The following CYP19A1 variants were observed in gnomAD, a reference collection of about 807,000 sequenced individuals.
The protein encoded by CYP19A1 is cytochrome P450 family 19 subfamily A member 1, also known as aromatase.
A neutral mutation model predicts 44.4 loss-of-function variants in CYP19A1; 32 were observed. The ratio of observed to expected loss-of-function variants is 0.72; its 90% CI spans 0.54 to 0.97. The LOEUF is 0.97. CYP19A1 is among the 50% of genes least tolerant of loss of function. The pLI is 0.00. For synonymous variants in CYP19A1, 212 were observed against 215.6 expected (o/e 0.98, Z 0.14); for missense variants, 598 against 637.8 (o/e 0.94, Z 0.67).
intron 1 of CYP19A1, among the ~76,000 whole-genome samples, chr15:51,282,503 C>T (rs1277886328): frequency 6.6e-6 from 1 of 152,234 alleles, no homozygotes; most frequent in Non-Finnish European, 1.5e-5. Context: ...CACATTCTCA[C>T]CACCTGTTTC....
At chr15:51,320,604 G>A (rs1265611427) in intron 1 of CYP19A1, among the ~76,000 whole-genome samples, 1 of 152,262 alleles carries the variant, frequency 6.6e-6, no homozygotes, top group East Asian at 1.9e-4. Flanking sequence ...CTCAATCTGG[G>A]AAGACACCAA....
intron 1 of CYP19A1, among the ~76,000 whole-genome samples, chr15:51,257,938 A>C (rs1358202332): frequency 1.3e-5 from 2 of 152,202 alleles, no homozygotes; most frequent in Non-Finnish European, 2.9e-5. Flanking sequence ...AATAGCTAAC[A>C]CTTATTAAGT....
In CYP19A1 at chr15:51,211,033, T is replaced by C. The variant is rs374501416; in HGVS notation, c.1287A>G (p.Pro429=). ...CACAGCCACGGGGCCCAAAGCCAAA[T>C]GGCTGAAAGTACCTATAAGGAACCT... The part of the protein sequence containing the change: ...AKNVPYRYFQ[P]FGFGPRGCAG... Residue 429 remains proline (P), a synonymous_variant, in exon 10 of 10, where the codon CCA becomes CCG. Transcript: ENST00000396402. 1.9e-6 allele frequency: 3 copies of C among 1,590,536 alleles called. No individual in the cohort carries two copies. Among genetic ancestry groups the C allele is most frequent in the Non-Finnish European group, 1.7e-6 (2 of 1,158,596 alleles).
intron 1 of CYP19A1, among the ~76,000 whole-genome samples, chr15:51,285,473 A>G (rs915176073): frequency 1.3e-5 from 2 of 152,220 alleles, no homozygotes; most frequent in African/African-American, 2.4e-5. Context: ...TACAAAAAAG[A>G]GAAGGGGAAA....
At chr15:51,331,512 G>C (rs1282435237) in intron 1 of CYP19A1, among the ~76,000 whole-genome samples, 1 of 152,248 alleles carries the variant, frequency 6.6e-6, no homozygotes, top group Non-Finnish European at 1.5e-5. Flanking sequence ...TACTGACCCA[G>C]AAGGAGATAA....
At chr15:51,326,105 A>G (rs6493495) in intron 1 of CYP19A1, among the ~76,000 whole-genome samples, 25,467 of 152,146 alleles carry the variant, frequency 0.17, 2,474 homozygotes, top group East Asian at 0.28. Context: ...TAAAACTGAA[A>G]AATCATAAGT....
intron 1 of CYP19A1, among the ~76,000 whole-genome samples, chr15:51,266,182 G>A (rs1356535465): frequency 6.6e-6 from 1 of 152,240 alleles, no homozygotes. Flanking sequence ...GAAGAGCAAA[G>A]AGAAATGAAC....
chr15:51,326,437 A>T (rs989272901), intron 1 of CYP19A1, among the ~76,000 whole-genome samples: 1 of 152,246 alleles, frequency 6.6e-6, no homozygotes, highest in Non-Finnish European at 1.5e-5. Flanking sequence ...CAGTTAAAGA[A>T]TTCTTGCTGT....
At chr15:51,298,783 T>G (rs1259533753) in intron 1 of CYP19A1, among the ~76,000 whole-genome samples, 1 of 152,226 alleles carries the variant, frequency 6.6e-6, no homozygotes, top group Non-Finnish European at 1.5e-5. Context: ...CTGATCATCA[T>G]CCCACATTAG....
At chr15:51,236,761 A>C in intron 3 of CYP19A1, 98 bp downstream of exon 3, 5 of 1,420,910 alleles carry the variant, frequency 3.5e-6, no homozygotes, top group Non-Finnish European at 4.9e-6. Context: ...ATATAGCGTT[A>C]GAAACAAAGA....
intron 1 of CYP19A1, among the ~76,000 whole-genome samples, chr15:51,249,563 C>A (rs2034218517): frequency 6.6e-6 from 1 of 152,170 alleles, no homozygotes; most frequent in African/African-American, 2.4e-5. Flanking sequence ...CTTGTCTGAG[C>A]AGGGTACTAC....
chr15:51,273,948 A>G (rs1487657140), intron 1 of CYP19A1, among the ~76,000 whole-genome samples: 2 of 152,172 alleles, frequency 1.3e-5, no homozygotes, highest in Non-Finnish European at 2.9e-5. Flanking sequence ...CGGAGGTTGC[A>G]GTAAGCCAAG....
At chr15:51,335,922 T>C (rs6493496) in intron 1 of CYP19A1, among the ~76,000 whole-genome samples, 1 of 152,124 alleles carries the variant, frequency 6.6e-6, no homozygotes, top group Non-Finnish European at 1.5e-5. Flanking sequence ...TGGCACCGCA[T>C]TGGCTTCTTA....
chr15:51,234,099 T>A (rs993725217), intron 3 of CYP19A1, among the ~76,000 whole-genome samples: 2 of 152,088 alleles, frequency 1.3e-5, no homozygotes, highest in Non-Finnish European at 2.9e-5. Flanking sequence ...TCTGGCAAAC[T>A]ATTCAAATAA....
At chr15:51,282,828 C>T (rs902991244) in intron 1 of CYP19A1, among the ~76,000 whole-genome samples, 1 of 152,204 alleles carries the variant, frequency 6.6e-6, no homozygotes, top group Non-Finnish European at 1.5e-5. Context: ...TCGGAAGAAC[C>T]AGGGTAACAA....
At chr15:51,230,918 G>A (rs981126328) in intron 3 of CYP19A1, among the ~76,000 whole-genome samples, 8 of 152,100 alleles carry the variant, frequency 5.3e-5, no homozygotes, top group Non-Finnish European at 4.4e-5. Flanking sequence ...CACTGCACCC[G>A]GCTGGTAACA....
At chr15:51,264,750 C>G (rs528104235) in intron 1 of CYP19A1, among the ~76,000 whole-genome samples, 1 of 152,112 alleles carries the variant, frequency 6.6e-6, no homozygotes, top group Non-Finnish European at 1.5e-5. Flanking sequence ...GTAGCAGTCC[C>G]TTGGTTACAG....
At chr15:51,319,169 AC>A (rs1375966817) in intron 1 of CYP19A1, among the ~76,000 whole-genome samples, 1 of 151,810 alleles carries the variant, frequency 6.6e-6, no homozygotes, top group African/African-American at 2.4e-5. Flanking sequence ...TAAGTGTCTC[AC>A]CCCTACACCC....
In CYP19A1 at chr15:51,222,515, G is replaced by T; in HGVS notation, c.462C>A (p.Gly154=). ...TRPFFMKALS[G]PGLVRMVTVC... is the part of the protein sequence containing the mutation. ...CTGTGACCATACGAACAAGGCCGGG[G>T]CCTGACAGAGCTGCAGAGTACACAT... Residue 154 remains glycine (G), a synonymous_variant, in exon 5 of 10, where the codon GGC becomes GGA. Transcript: ENST00000396402. 6.2e-7 allele frequency: 1 copy of T among 1,613,382 alleles called. No individual in the cohort carries two copies. Among genetic ancestry groups the T allele is most frequent in the South Asian group, 1.1e-5 (1 of 90,988 alleles).
Sources: allele counts gnomAD v4.1 joint callset (sites outside exome capture counted in the v4.1 genomes callset), GRCh38; gene constraint gnomAD v4.1.1; transcripts MANE v1.5; gene names NCBI Gene and HGNC (gene_info 2026-07-23, HGNC 2026-07-21).